SHROOM3: variants seen among roughly 807,000 people sequenced by gnomAD.
SHROOM3 encodes shroom family member 3, also known as protein Shroom3.
A neutral mutation model predicts 138.6 loss-of-function variants in SHROOM3; 47 were observed. The observed-to-expected ratio is 0.34, with a 90% CI of 0.27 to 0.43. SHROOM3 has a LOEUF of 0.43. Among genes scored for constraint, SHROOM3 ranks in the 20% least tolerant of loss-of-function variants. The pLI is 1.00. For missense variants in SHROOM3, 2,491 were observed against 2,596.5 expected (o/e 0.96, Z 0.88); for synonymous variants, 1,062 against 1,063.3 (o/e 1.00, Z 0.02).
At chr4:76,762,349 T>C (rs912207082) in intron 9 of SHROOM3, among the ~76,000 whole-genome samples, 4 of 152,246 alleles carry the variant, frequency 2.6e-5, no homozygotes, top group Non-Finnish European at 2.9e-5. Context: ...CATGTTAAGA[T>C]GTTCAGTGAG....
intron 2 of SHROOM3, among the ~76,000 whole-genome samples, chr4:76,631,016 G>C (rs1332152129): frequency 1.3e-5 from 2 of 152,042 alleles, no homozygotes; most frequent in Non-Finnish European, 2.9e-5. Flanking sequence ...AGATAGATGA[G>C]GTATTTGTTT....
chr4:76,689,173 G>T (rs373106393), intron 2 of SHROOM3, among the ~76,000 whole-genome samples: 6 of 152,032 alleles, frequency 3.9e-5, no homozygotes, highest in East Asian at 1.9e-4. Context: ...TGTGTGCTTC[G>T]GTCCGGTCCC....
At chr4:76,455,753 T>C (rs781589063) in intron 1 of SHROOM3, among the ~76,000 whole-genome samples, 18 of 152,266 alleles carry the variant, frequency 1.2e-4, no homozygotes, top group Non-Finnish European at 2.5e-4. Flanking sequence ...AGAGTGATAA[T>C]ATTCACTCAA....
intron 1 of SHROOM3, among the ~76,000 whole-genome samples, chr4:76,503,083 T>C (rs932277908): frequency 6.6e-6 from 1 of 152,114 alleles, no homozygotes; most frequent in African/African-American, 2.4e-5. Context: ...AGTGGAAGTC[T>C]TCCAGCTTTG....
Position 76,754,442 on chromosome 4 carries a change from T to A in SHROOM3, c.3959T>A (p.Leu1320Gln), listed in dbSNP as rs752390281. Residue 1320 changes from leucine to glutamine, a missense_variant, in exon 7 of 11, where the codon CTG (leucine) becomes CAG (glutamine). Physicochemically the swap from Leu to Gln is moderately radical, Grantham distance 113. This residue lies in a region of SHROOM3 where 1,733 missense variants were observed against 1,661.6 expected (regional missense o/e 1.04). Coordinates refer to ENST00000296043, the MANE Select transcript of SHROOM3 (RefSeq NM_020859.4). The part of the protein sequence containing the change: ...SSVPSECPGT[L>Q]DHQRQASRTP... ...GTTCCTAGTGAATGTCCTGGAACCC[T>A]GGACCATCAGAGGCAAGCCAGTAGG... 1.8e-5 allele frequency: 29 copies of A among 1,614,018 alleles called. No homozygotes were observed. The highest frequency in any genetic ancestry group is 2.3e-5 in the Non-Finnish European group (27 of 1,180,022).
chr4:76,779,341 C>A lies in SHROOM3; in HGVS notation c.*164C>A. The A allele has an allele frequency of 1.1e-6, 1 of 875,984 alleles. No individual in the cohort carries two copies. The highest frequency in any genetic ancestry group is 1.7e-6 in the Non-Finnish European group (1 of 591,806). The allele number at this position is 875,984 out of a possible 1,614,324, so 54.3% of individuals were successfully genotyped here. A position where few individuals can be genotyped will look rare whatever the true frequency, so the allele number is the denominator to read the frequency against. On this transcript the variant is annotated 3_prime_UTR_variant, in exon 11 of 11. Coordinates refer to ENST00000296043, the MANE Select transcript of SHROOM3 (RefSeq NM_020859.4). ...CAGGAGGAAGCCTTTTTCCTTCTTG[C>A]CCTTCCTGATTGATCTTCTGAGAGC... is the stretch of plus-strand genomic sequence containing the variant.
intron 2 of SHROOM3, among the ~76,000 whole-genome samples, chr4:76,660,133 C>T (rs1371915596): frequency 6.6e-6 from 1 of 152,144 alleles, no homozygotes; most frequent in African/African-American, 2.4e-5. Flanking sequence ...GCACCCCAGC[C>T]CCCTCCAGAG....
intron 7 of SHROOM3, among the ~76,000 whole-genome samples, chr4:76,755,468 C>T (rs1384958870): frequency 2.6e-5 from 4 of 152,148 alleles, no homozygotes; most frequent in Non-Finnish European, 4.4e-5. Context: ...GTAAATCCCT[C>T]CTCCCTGGAT....
intron 2 of SHROOM3, among the ~76,000 whole-genome samples, chr4:76,580,443 GTTCT>G (rs1475723812): frequency 7.7e-6 from 1 of 130,154 alleles, no homozygotes; most frequent in Non-Finnish European, 1.6e-5. Flanking sequence ...CCTTGGGCAA[GTTCT>G]TTTTTTTTTT....
intron 1 of SHROOM3, among the ~76,000 whole-genome samples, chr4:76,441,091 T>TTTTTGTTTTTTTTTTTTTTTTTTG (rs1553913348): frequency 7.8e-6 from 1 of 128,660 alleles, no homozygotes; most frequent in African/African-American, 3.0e-5. Context: ...AATTTGTTTT[T>TTTTTGTTTTTTTTTTTTTTTTTTG]TTTTTTTTTT....
chr4:76,470,858 C>G (rs1731354979), intron 1 of SHROOM3, among the ~76,000 whole-genome samples: 3 of 152,156 alleles, frequency 2.0e-5, no homozygotes, highest in Non-Finnish European at 2.9e-5. Flanking sequence ...TAATTCATCT[C>G]TGTGTGCCAT....
chr4:76,710,291 A>G lies in SHROOM3; in HGVS notation c.455+4A>G. ...TTAAACTTCGGCTGAAGCACAGGTA[A>G]GACGCACGGAAGTTGGTGCTGGCAG... is the stretch of plus-strand genomic sequence containing the variant. On this transcript the variant is annotated splice_donor_region_variant and intron_variant, in intron 3 of 10. Coordinates refer to ENST00000296043, the MANE Select transcript of SHROOM3 (RefSeq NM_020859.4). 8 of 1,613,934 alleles carry G rather than the reference A, an allele frequency of 5.0e-6. No homozygotes were observed. The highest frequency in any genetic ancestry group is 6.8e-6 in the Non-Finnish European group (8 of 1,179,886).
intron 2 of SHROOM3, among the ~76,000 whole-genome samples, chr4:76,572,898 C>T (rs576683593): frequency 7.2e-5 from 11 of 151,984 alleles, no homozygotes; most frequent in South Asian, 2.1e-4. Flanking sequence ...CTGGTCAACA[C>T]GGTTAAACCC....
intron 2 of SHROOM3, among the ~76,000 whole-genome samples, chr4:76,577,409 T>C (rs1733963660): frequency 6.6e-6 from 1 of 152,194 alleles, no homozygotes; most frequent in African/African-American, 2.4e-5. Context: ...AGTCCCTTCA[T>C]TGCCCTGTTC....
At chr4:76,708,166 T>C (rs1560597547) in intron 2 of SHROOM3, among the ~76,000 whole-genome samples, 1 of 152,162 alleles carries the variant, frequency 6.6e-6, no homozygotes, top group Admixed American at 6.5e-5. Flanking sequence ...TCTCTGCTTT[T>C]CTAGGGTAGA....
chr4:76,494,980 A>C (rs1579193232), intron 1 of SHROOM3, among the ~76,000 whole-genome samples: 1 of 152,378 alleles, frequency 6.6e-6, no homozygotes, highest in African/African-American at 2.4e-5. Flanking sequence ...ACATTTATTC[A>C]GAACAGCTTT....
chr4:76,602,740 T>A (rs1047284386), intron 2 of SHROOM3, among the ~76,000 whole-genome samples: 1 of 151,970 alleles, frequency 6.6e-6, no homozygotes, highest in Non-Finnish European at 1.5e-5. Flanking sequence ...GACAGAAGAG[T>A]TAGGAAGGTG....
At chr4:76,652,639 T>C (rs562826001) in intron 2 of SHROOM3, among the ~76,000 whole-genome samples, 45 of 152,108 alleles carry the variant, frequency 3.0e-4, no homozygotes, top group African/African-American at 1.1e-3. Flanking sequence ...AGCATAAAAG[T>C]TTTAATTTTT....
intron 1 of SHROOM3, among the ~76,000 whole-genome samples, chr4:76,467,383 TTA>T (rs1731270663): frequency 6.6e-6 from 1 of 152,010 alleles, no homozygotes; most frequent in Non-Finnish European, 1.5e-5. Context: ...AAACTGAGGC[TTA>T]GATAAGTGAA....
Sources: allele counts gnomAD v4.1 joint callset (sites outside exome capture counted in the v4.1 genomes callset), GRCh38; gene constraint gnomAD v4.1.1; regional missense constraint gnomAD v4.1.1; transcripts MANE v1.5; gene names NCBI Gene and HGNC (gene_info 2026-07-23, HGNC 2026-07-21).